Variants in PWWP2A observed in about 807,000 individuals in gnomAD.
The protein encoded by PWWP2A is PWWP domain-containing protein 2A.
Under a neutral mutation model 48.5 loss-of-function variants are expected in PWWP2A, and 18 were observed. That is an observed-to-expected ratio of 0.37 (90% CI 0.26 to 0.55). The LOEUF (loss-of-function observed/expected upper bound fraction) is 0.55. Among genes scored for constraint, PWWP2A ranks in the 20% least tolerant of loss-of-function variants. The pLI is 0.81. For synonymous variants in PWWP2A, 396 were observed against 387.7 expected (o/e 1.02, Z -0.25); for missense variants, 867 against 976.4 (o/e 0.89, Z 1.49).
chr5:160,068,802 G>A (rs149975063), intron 2 of PWWP2A, among the ~76,000 whole-genome samples: 17 of 152,272 alleles, frequency 1.1e-4, no homozygotes, highest in African/African-American at 2.4e-4. Context: ...TCCACAAGAC[G>A]TGGTTTTAGT....
chr5:160,083,099 A>G lies in PWWP2A; in HGVS notation c.1550-2329T>C, dbSNP rs145078598. On this transcript the variant is annotated intron_variant, in intron 2 of 3. Transcript: ENST00000456329. Reference sequence around the variant, plus strand: ...CAGTAAAGCATGATGCAACATGAACAAGCAGGAAAAGCATCAACAGTATCT... The same window carrying G: ...CAGTAAAGCATGATGCAACATGAACGAGCAGGAAAAGCATCAACAGTATCT... Among the ~76,000 whole-genome samples, 1,299 of 152,360 alleles carry G rather than the reference A, an allele frequency of 8.5e-3. 15 individuals are homozygous for G. The highest frequency in any genetic ancestry group is 0.029 in the African/African-American group (1,198 of 41,578).
intron 2 of PWWP2A, among the ~76,000 whole-genome samples, chr5:160,068,463 G>A (rs1470979130): frequency 6.6e-6 from 1 of 151,180 alleles, no homozygotes; most frequent in Non-Finnish European, 1.5e-5. Flanking sequence ...GCCGGGCGTG[G>A]TGGCGGGCGC....
intron 1 of PWWP2A, among the ~76,000 whole-genome samples, chr5:160,114,851 C>G (rs572895428): frequency 1.1e-4 from 17 of 150,830 alleles, no homozygotes; most frequent in Non-Finnish European, 2.4e-4. Context: ...TTAAAATTAG[C>G]CAGGTGTGGC....
the PWWP2A span, among the ~76,000 whole-genome samples, chr5:160,046,329 C>A: frequency 2.0e-5 from 3 of 152,138 alleles, no homozygotes; most frequent in East Asian, 5.8e-4. Flanking sequence ...GTTTATCATT[C>A]CTTTCTCCTT....
At chr5:160,071,040 T>A (rs148000455), downstream of PWWP2A, among the ~76,000 whole-genome samples, 3,568 of 152,088 alleles carry the variant, frequency 0.023, 150 homozygotes, top group African/African-American at 0.081. Flanking sequence ...ATACAAAAAG[T>A]TAGCCAGGCA....
chr5:160,090,930 C>A, downstream of PWWP2A: 1 of 984,714 alleles, frequency 1.0e-6, no homozygotes, highest in Non-Finnish European at 1.2e-6. Flanking sequence ...GACAGATGGA[C>A]CATGTAGAAA....
At chr5:160,070,428 G>A (rs1437805885) in intron 2 of PWWP2A, among the ~76,000 whole-genome samples, 5 of 152,056 alleles carry the variant, frequency 3.3e-5, no homozygotes, top group African/African-American at 7.2e-5. Context: ...AGCTATGACC[G>A]AGCCACCACA....
the PWWP2A span, chr5:160,051,290 C>T: frequency 1.2e-6 from 1 of 845,176 alleles, no homozygotes; most frequent in Non-Finnish European, 1.8e-6. Flanking sequence ...TCGGACTCTA[C>T]CACAAGGCTA....
intron 1 of PWWP2A, among the ~76,000 whole-genome samples, chr5:160,114,469 A>AG (rs897980267): frequency 3.3e-5 from 5 of 150,474 alleles, no homozygotes; most frequent in African/African-American, 1.2e-4. Flanking sequence ...AAAAAAAAGA[A>AG]AAAGAGTTCA....
At chr5:160,054,766 A>G in the PWWP2A span, among the ~76,000 whole-genome samples, 1 of 152,206 alleles carries the variant, frequency 6.6e-6, no homozygotes, top group Admixed American at 6.5e-5. Context: ...CAGGTTTCAT[A>G]TGGCAGACAC....
At chr5:160,064,964 C>T (rs957143300) in intron 4 of PWWP2A, 19 of 1,613,548 alleles carry the variant, frequency 1.2e-5, no homozygotes, top group East Asian at 2.2e-5. Flanking sequence ...CTTGGTTCTC[C>T]GACCTTTTGG....
intron 2 of PWWP2A, among the ~76,000 whole-genome samples, chr5:160,083,658 A>G (rs993907658): frequency 6.6e-6 from 1 of 152,140 alleles, no homozygotes; most frequent in African/African-American, 2.4e-5. Flanking sequence ...TCAGATACTT[A>G]TGTGTCATGG....
Position 160,093,549 on chromosome 5 carries a change from A to T in PWWP2A, c.1101T>A (p.Thr367=). ...SVTTVNKKLK[T]DHKVDGKNQN... ...GGTTTTTCCCATCCACTTTATGGTC[A>T]GTTTTCAGTTTTTTGTTCACAGTAG... Residue 367 remains threonine, a synonymous_variant, in exon 2 of 2, where the codon ACT becomes ACA. Coordinates refer to ENST00000307063, the MANE Select transcript of PWWP2A (RefSeq NM_001130864.2). This position sits in a 1 kb window ranked among gnomAD's most constrained non-coding sequence, Gnocchi z 5.8. The T allele has an allele frequency of 6.2e-7, 1 of 1,613,226 alleles. No homozygotes were observed. Among genetic ancestry groups the T allele is most frequent in the Non-Finnish European group, 8.5e-7 (1 of 1,179,742 alleles).
At chr5:160,099,200 G>A (rs1373839102) in intron 1 of PWWP2A, among the ~76,000 whole-genome samples, 1 of 152,158 alleles carries the variant, frequency 6.6e-6, no homozygotes, top group Non-Finnish European at 1.5e-5. Context: ...TAGGTGAAAG[G>A]CTGAAAAGGC....
chr5:160,052,227 GC>G, the PWWP2A span, among the ~76,000 whole-genome samples: 11 of 152,244 alleles, frequency 7.2e-5, no homozygotes, highest in Middle Eastern at 3.4e-3. Flanking sequence ...ATTAAACTTG[GC>G]CAGGCACGGT....
chr5:160,088,737 C>G (rs1196695437), downstream of PWWP2A, among the ~76,000 whole-genome samples: 1 of 152,164 alleles, frequency 6.6e-6, no homozygotes, highest in Non-Finnish European at 1.5e-5. Flanking sequence ...TTGCCCATCT[C>G]TTTGGCTGTA....
intron 1 of PWWP2A, among the ~76,000 whole-genome samples, chr5:160,098,659 A>T (rs1388839057): frequency 1.3e-5 from 2 of 152,220 alleles, no homozygotes; most frequent in Non-Finnish European, 2.9e-5. Context: ...TGTAAAACAG[A>T]TTTTCTAAGT....
downstream of PWWP2A, chr5:160,089,677 A>G (rs1754912972): frequency 7.8e-7 from 1 of 1,282,402 alleles, no homozygotes; most frequent in Non-Finnish European, 1.0e-6. Flanking sequence ...AAATAAAGAC[A>G]TTCTTAGCTT....
chr5:160,059,886 A>G (rs1472969758), downstream of PWWP2A, among the ~76,000 whole-genome samples: 1 of 152,238 alleles, frequency 6.6e-6, no homozygotes, highest in Non-Finnish European at 1.5e-5. Context: ...TGCTATTGGA[A>G]AAATTGTGCT....
Sources: gnomAD v4.1 joint callset for allele counts (sites outside exome capture counted in the v4.1 genomes callset) on GRCh38, gnomAD v4.1.1 for gene constraint, Gnocchi (gnomAD v3.1) non-coding constraint, MANE v1.5 for transcripts, NCBI Gene and HGNC (gene_info 2026-07-23, HGNC 2026-07-21) for gene names.